The following MYRF variants were observed in gnomAD, a reference collection of about 807,000 sequenced individuals.
MYRF encodes the protein myelin gene regulatory factor.
In MYRF, 16 loss-of-function variants were observed where a neutral mutation model predicts 126.3. That is an observed-to-expected ratio of 0.13 (90% confidence interval 0.09 to 0.19). The LOEUF (loss-of-function observed/expected upper bound fraction) is 0.19. Among genes scored for constraint, MYRF ranks in the 10% least tolerant of loss-of-function variants. The pLI, the probability that MYRF is intolerant of heterozygous loss-of-function variation, is 1.00. For synonymous variants in MYRF, 608 were observed against 635.3 expected, an observed-to-expected ratio of 0.96 and a Z score of 0.65; for missense variants, 1,104 against 1,547.0, an observed-to-expected ratio of 0.71 and a Z score of 4.80.
rs369136161 is a variant in MYRF at position 61,783,713 on chromosome 11, G to A, written c.3119+113G>A. ...GGGAGGAGCCTCCCCCATAAGGAAG[G>A]GTAGCCCCTTTCCAGGCTACCCTTG... On this transcript the variant is annotated intron_variant, in intron 23 of 26. Coordinates refer to ENST00000278836, the MANE Select transcript of MYRF (RefSeq NM_001127392.3). This position sits in a 1 kb window ranked among gnomAD's most constrained non-coding sequence, Gnocchi z 4.6. 7.4e-7 allele frequency: 1 copy of A among 1,359,518 alleles called. No individual in the cohort carries two copies. Among genetic ancestry groups the A allele is most frequent in the East Asian group, 2.3e-5 (1 of 42,866 alleles). The allele number at this position is 1,359,518 out of a possible 1,614,324, so 84.2% of individuals were successfully genotyped here. A position where few individuals can be genotyped will look rare whatever the true frequency, so the allele number is the denominator to read the frequency against.
chr11:61,777,806 G>C lies in MYRF; in HGVS notation c.1864G>C (p.Ala622Pro). 5 of 1,552,362 alleles carry C rather than the reference G, an allele frequency of 3.2e-6. No homozygotes were observed. The highest frequency in any genetic ancestry group is 4.4e-6 in the Non-Finnish European group (5 of 1,147,614). Residue 622 changes from alanine to proline, a missense_variant, in exon 13 of 27, where the codon GCC becomes CCC. Transcript: ENST00000278836. The surrounding 1 kb of genome is among the most constrained non-coding windows in gnomAD (Gnocchi z 8.8). ...LVHYRYKPEF[A>P]ASAGIEATAP... is the part of the protein sequence containing the mutation. The stretch of plus-strand genomic sequence containing the variant: ...GCACTACAGATACAAGCCCGAGTTC[G>C]CCGCCAGCGCGGGCATCGAGGCCAC...
chr11:61,782,080 AAG>A (rs2066567624), intron 22 of MYRF: 1 of 449,214 alleles, frequency 2.2e-6, no homozygotes, highest in Non-Finnish European at 3.9e-6. Context: ...GACTAAGGTG[AAG>A]TGACCTGCCC....
rs530436989 is a variant in MYRF at position 61,781,878 on chromosome 11, C to A, written c.3016+54C>A. On this transcript the variant is annotated intron_variant, in intron 22 of 26. Coordinates refer to ENST00000278836, the MANE Select transcript of MYRF (RefSeq NM_001127392.3). Reference sequence around the variant, plus strand: ...GCCCAGCCTGGCAAGGCTCACTGGCCAGGGCCCACCTCAGCCCAGTCATGT... The same window carrying A: ...GCCCAGCCTGGCAAGGCTCACTGGCAAGGGCCCACCTCAGCCCAGTCATGT... The A allele has an allele frequency of 4.7e-5, 69 of 1,481,416 alleles. No individual in the cohort carries two copies. In the African/African-American group the frequency reaches 9.1e-4, roughly 20 times the overall value. The allele number at this position is 1,481,416 out of a possible 1,614,324, so 91.8% of individuals were successfully genotyped here. A position where few individuals can be genotyped will look rare whatever the true frequency, so the allele number is the denominator to read the frequency against.
In MYRF at chr11:61,777,833, G is replaced by A; in HGVS notation, c.1891G>A (p.Ala631Thr). ...FAASAGIEAT[A>T]PETGVIAQEV... Reference sequence around the variant, plus strand: ...CGCCAGCGCGGGCATCGAGGCCACCGCGCCAGAGACAGGTAGGGACCGGGC... The same window carrying A: ...CGCCAGCGCGGGCATCGAGGCCACCACGCCAGAGACAGGTAGGGACCGGGC... The change falls in exon 13 of 27, where the codon GCG (alanine) becomes ACG (threonine). Residue 631 changes from alanine to threonine, a missense_variant. Around this residue, in one of 10 missense-constraint regions of MYRF, gnomAD observed 123 missense variants for 209.1 expected, o/e 0.59. Coordinates refer to ENST00000278836, the MANE Select transcript of MYRF (RefSeq NM_001127392.3). The surrounding 1 kb of genome is among the most constrained non-coding windows in gnomAD (Gnocchi z 8.8). The A allele has an allele frequency of 1.3e-6, 2 of 1,552,124 alleles. No homozygotes were observed. The highest frequency in any genetic ancestry group is 1.7e-6 in the Non-Finnish European group (2 of 1,147,428).
At position 61,759,792 on chromosome 11, in the gene MYRF, T is replaced by TA. The variant is rs1475282127; in HGVS notation, c.47-5832dup. The stretch of plus-strand genomic sequence containing the variant: ...CTGTGACTCAGATCGAAGAACCTGA[T>TA]AGAAAAACGGCTCAAGAGCCCCATC... On this transcript the variant is annotated intron_variant, in intron 1 of 26. Coordinates refer to ENST00000278836, the MANE Select transcript of MYRF (RefSeq NM_001127392.3). Among the ~76,000 whole-genome samples the TA allele has an allele frequency of 5.9e-5, 9 of 152,178 alleles. No homozygotes were observed. In the South Asian group the frequency reaches 1.2e-3, roughly 21 times the overall value.
chr11:61,764,918 C>T (rs1295691951), intron 1 of MYRF, among the ~76,000 whole-genome samples: 2 of 152,212 alleles, frequency 1.3e-5, no homozygotes, highest in Non-Finnish European at 2.9e-5. Context: ...AGGCTTCTGC[C>T]TCCTCTGGAA....
At chr11:61,771,988 C>A (rs769535193) in intron 7 of MYRF, 36 bp downstream of exon 7, 3 of 1,610,712 alleles carry the variant, frequency 1.9e-6, no homozygotes, top group South Asian at 1.1e-5. Flanking sequence ...TCCTCCAGGC[C>A]CCCCCACCTT....
intron 21 of MYRF, 60 bp downstream of exon 21, chr11:61,781,389 C>T: frequency 6.3e-7 from 1 of 1,587,790 alleles, no homozygotes; most frequent in Non-Finnish European, 8.6e-7. Context: ...GAGAAAGGCC[C>T]AAATACTCAT....
intron 8 of MYRF, among the ~76,000 whole-genome samples, chr11:61,774,968 G>T (rs1180948385): frequency 6.6e-6 from 1 of 152,052 alleles, no homozygotes; most frequent in African/African-American, 2.4e-5. Context: ...CCCCTCTCAG[G>T]GAATGGGGCG....
chr11:61,777,615 C>T lies in MYRF; in HGVS notation c.1792-119C>T. On this transcript the variant is annotated intron_variant, in intron 12 of 26. Coordinates refer to ENST00000278836, the MANE Select transcript of MYRF (RefSeq NM_001127392.3). This position sits in a 1 kb window ranked among gnomAD's most constrained non-coding sequence, Gnocchi z 8.8. ...CTGGCCTCGAATCCCGATCTAACCACTCCAGTGGTGGGGTCTCCTCTCCAC... is the reference window on the plus strand; with the variant it reads ...CTGGCCTCGAATCCCGATCTAACCATTCCAGTGGTGGGGTCTCCTCTCCAC... The T allele has an allele frequency of 1.5e-6, 2 of 1,312,648 alleles. No individual in the cohort carries two copies. Among genetic ancestry groups the T allele is most frequent in the South Asian group, 1.4e-5 (1 of 72,716 alleles). 81.3% of individuals were successfully genotyped at this position (1,312,648 alleles called of 1,614,324 possible). A position where few individuals can be genotyped will look rare whatever the true frequency, so the allele number is the denominator to read the frequency against.
At chr11:61,767,623 C>G (rs2135757941) in intron 3 of MYRF, 2 of 349,800 alleles carry the variant, frequency 5.7e-6, no homozygotes, top group Admixed American at 3.8e-5. Flanking sequence ...CCCAGGAGTT[C>G]AAGACCAGTC....
rs183921101 is a variant in MYRF at position 61,778,507 on chromosome 11, T to C, written c.2013+18T>C. ...TGAACAAGGTCTGTGGGTGGGGGAA[T>C]GGGAGGGAGCCCAGAGGCAAGTGGG... On this transcript the variant is annotated intron_variant, in intron 14 of 26. Coordinates refer to ENST00000278836, the MANE Select transcript of MYRF (RefSeq NM_001127392.3). The surrounding 1 kb of genome is among the most constrained non-coding windows in gnomAD (Gnocchi z 4.6). The C allele has an allele frequency of 6.3e-7, 1 of 1,578,308 alleles. No individual in the cohort carries two copies. The highest frequency in any genetic ancestry group is 2.2e-5 in the East Asian group (1 of 44,664).
At position 61,783,745 on chromosome 11, in the gene MYRF, G is replaced by A. The variant is rs1053457359; in HGVS notation, c.3120-106G>A. ...CCTTTCCAGGCTACCCTTGGACACT[G>A]TCTCTTCTGGAGGGCTCCAGTACAG... On this transcript the variant is annotated intron_variant, in intron 23 of 26. Transcript: ENST00000278836. The surrounding 1 kb of genome is among the most constrained non-coding windows in gnomAD (Gnocchi z 4.6). 5.1e-6 allele frequency: 7 copies of A among 1,375,822 alleles called. No homozygotes were observed. Among genetic ancestry groups the A allele is most frequent in the Non-Finnish European group, 6.1e-6 (6 of 990,890 alleles). The allele number at this position is 1,375,822 out of a possible 1,614,324, so 85.2% of individuals were successfully genotyped here.
In MYRF at chr11:61,777,514, C is replaced by T; in HGVS notation, c.1791+50C>T. The T allele has an allele frequency of 7.6e-7, 1 of 1,307,916 alleles. No individual in the cohort carries two copies. The highest frequency in any genetic ancestry group is 1.3e-5 in the South Asian group (1 of 75,542). 81.0% of individuals were successfully genotyped at this position (1,307,916 alleles called of 1,614,324 possible). A position where few individuals can be genotyped will look rare whatever the true frequency, so the allele number is the denominator to read the frequency against. ...GGCGGGTCCAGACGCTGGAGCGGGC[C>T]GCGGGGGCGGGGCTCCTGGGGAGGG... On this transcript the variant is annotated intron_variant, in intron 12 of 26. Coordinates refer to ENST00000278836, the MANE Select transcript of MYRF (RefSeq NM_001127392.3). The surrounding 1 kb of genome is among the most constrained non-coding windows in gnomAD (Gnocchi z 8.8).
chr11:61,779,828 C>T lies in MYRF; in HGVS notation c.2248-14C>T. ...GGCCCTCTTTGCATTTGCACTTTTC[C>T]TCTTGGTCCTCAGTCATCGTCCGTG... On this transcript the variant is annotated splice_polypyrimidine_tract_variant and intron_variant, in intron 16 of 26. Transcript: ENST00000278836. 6.2e-7 allele frequency: 1 copy of T among 1,612,412 alleles called. No homozygotes were observed. The highest frequency in any genetic ancestry group is 8.5e-7 in the Non-Finnish European group (1 of 1,178,706).
At chr11:61,773,793 A>G (rs749102623) in intron 7 of MYRF, among the ~76,000 whole-genome samples, 174 bp from the exon 8 acceptor site, 3 of 152,120 alleles carry the variant, frequency 2.0e-5, no homozygotes, top group Non-Finnish European at 2.9e-5. Context: ...CCTGTACTAG[A>G]ATCCTCTCCG....
intron 1 of MYRF, among the ~76,000 whole-genome samples, chr11:61,762,667 G>T (rs117187948): frequency 1.3e-5 from 2 of 152,312 alleles, no homozygotes; most frequent in Non-Finnish European, 2.9e-5. Context: ...AAGTCTGTTA[G>T]AAATCTCCAG....
At chr11:61,761,112 G>A (rs1005919569) in intron 1 of MYRF, among the ~76,000 whole-genome samples, 1 of 152,094 alleles carries the variant, frequency 6.6e-6, no homozygotes, top group African/African-American at 2.4e-5. Context: ...CGGGATTTCC[G>A]CCATGTTTGG....
At chr11:61,781,850 C>T (rs768413906) in intron 22 of MYRF, 26 bp downstream of exon 22, 3 of 1,510,084 alleles carry the variant, frequency 2.0e-6, no homozygotes, top group Non-Finnish European at 2.6e-6. Context: ...CTGACACTAC[C>T]CAGCCCAGCC....
Sources: gnomAD v4.1 joint callset for allele counts (sites outside exome capture counted in the v4.1 genomes callset) on GRCh38, gnomAD v4.1.1 for gene constraint, gnomAD v4.1.1 regional missense constraint, Gnocchi (gnomAD v3.1) non-coding constraint, MANE v1.5 for transcripts, NCBI Gene and HGNC (gene_info 2026-07-23, HGNC 2026-07-21) for gene names.